LIMCH1: variants seen among roughly 807,000 people sequenced by gnomAD.
The protein encoded by LIMCH1 is LIM and calponin homology domains 1.
LIMCH1 carries 113 observed loss-of-function variants against 176.5 expected under a neutral mutation model. That is an observed-to-expected ratio of 0.64 (90% CI 0.55 to 0.75). The LOEUF is 0.75. Ranked by LOEUF, LIMCH1 falls within the 30% of genes least tolerant of loss-of-function variation. The pLI is 0.00. For missense variants in LIMCH1, 1,674 were observed against 1,814.9 expected (o/e 0.92, Z 1.41); for synonymous variants, 619 against 645.9 (o/e 0.96, Z 0.63).
In LIMCH1 at chr4:41,453,238, C is replaced by T. The variant is rs537415188; in HGVS notation, c.97-41298C>T. Reference sequence around the variant, plus strand: ...TTATGAGATACCGTATATATAGATACACACACACATATACAGTTGGCCCTT... The same window carrying T: ...TTATGAGATACCGTATATATAGATATACACACACATATACAGTTGGCCCTT... On this transcript the variant is annotated intron_variant, in intron 1 of 26. Coordinates refer to the LIMCH1 transcript ENST00000313860. Among the ~76,000 whole-genome samples the T allele has an allele frequency of 9.2e-5, 14 of 152,222 alleles. 1 individual carries two copies. In the South Asian group the frequency reaches 2.7e-3, roughly 29 times the overall value.
At chr4:41,510,426 A>G (rs2074740440) in intron 2 of LIMCH1, among the ~76,000 whole-genome samples, 1 of 152,138 alleles carries the variant, frequency 6.6e-6, no homozygotes, top group Admixed American at 6.5e-5. Flanking sequence ...TATTTCCTTA[A>G]TAATCCATTT....
At chr4:41,509,425 A>G (rs777969773) in intron 2 of LIMCH1, among the ~76,000 whole-genome samples, 28 of 152,132 alleles carry the variant, frequency 1.8e-4, no homozygotes, top group Non-Finnish European at 3.4e-4. Flanking sequence ...TCCTTTTTCC[A>G]TTACTGATTT....
intron 1 of LIMCH1, among the ~76,000 whole-genome samples, chr4:41,363,227 G>A (rs1274790442): frequency 6.6e-6 from 1 of 152,144 alleles, no homozygotes; most frequent in African/African-American, 2.4e-5. Flanking sequence ...TGTGAACAAA[G>A]ATTCCTCAGC....
At chr4:41,487,727 C>T (rs1364671071) in intron 1 of LIMCH1, among the ~76,000 whole-genome samples, 10 of 133,708 alleles carry the variant, frequency 7.5e-5, no homozygotes, top group Admixed American at 5.8e-4. Flanking sequence ...GGTGTGATCT[C>T]GGCTCACTGC....
intron 3 of LIMCH1, among the ~76,000 whole-genome samples, chr4:41,526,754 G>T (rs1433520663): frequency 6.6e-6 from 1 of 152,138 alleles, no homozygotes; most frequent in Non-Finnish European, 1.5e-5. Flanking sequence ...ATATTCAAAT[G>T]GGACTTGCAT....
At chr4:41,677,457 G>C (rs997080979) in intron 23 of LIMCH1, among the ~76,000 whole-genome samples, 1 of 152,082 alleles carries the variant, frequency 6.6e-6, no homozygotes. Flanking sequence ...CTACCTTTGG[G>C]TAAAAGCTAC....
At chr4:41,629,437 C>T in intron 8 of LIMCH1, 55 bp from the exon 9 acceptor site, 1 of 1,523,958 alleles carries the variant, frequency 6.6e-7, no homozygotes, top group South Asian at 1.2e-5. Flanking sequence ...TTGTCTGCTC[C>T]CCTTCCTTGA....
chr4:41,470,015 T>G (rs1225001708), intron 1 of LIMCH1, among the ~76,000 whole-genome samples: 4 of 152,164 alleles, frequency 2.6e-5, no homozygotes, highest in African/African-American at 9.7e-5. Context: ...GTCAGGCTCA[T>G]CTTTGAGCAT....
At chr4:41,437,755 CT>C (rs1306193831) in intron 1 of LIMCH1, among the ~76,000 whole-genome samples, 1 of 152,136 alleles carries the variant, frequency 6.6e-6, no homozygotes, top group Non-Finnish European at 1.5e-5. Context: ...AATTTTTTCC[CT>C]CTTCTTCTCC....
chr4:41,642,737 C>CTTTTTTTT (rs368906535), intron 14 of LIMCH1, among the ~76,000 whole-genome samples: 4 of 136,400 alleles, frequency 2.9e-5, no homozygotes, highest in African/African-American at 8.2e-5. Context: ...TTTCTTTTTT[C>CTTTTTTTT]TTTTTTTTTT....
chr4:41,648,054 C>T (rs2094137345), intron 17 of LIMCH1, among the ~76,000 whole-genome samples: 1 of 152,162 alleles, frequency 6.6e-6, no homozygotes. Flanking sequence ...GACTCACACA[C>T]ACACAGATAG....
At chr4:41,428,852 T>A (rs1441135149) in intron 1 of LIMCH1, among the ~76,000 whole-genome samples, 2 of 152,202 alleles carry the variant, frequency 1.3e-5, no homozygotes, top group Non-Finnish European at 2.9e-5. Flanking sequence ...CTGAGAGGCA[T>A]GGGGTTGAGT....
rs1269183693 is a variant in LIMCH1 at position 41,472,978 on chromosome 4, G to A, written c.97-21558G>A. 4.6e-6 allele frequency: 4 copies of A among 875,546 alleles called. No homozygotes were observed. The African/African-American group carries it at 5.5e-5, about 12-fold the overall frequency. The allele number at this position is 875,546 out of a possible 1,614,324, so 54.2% of individuals were successfully genotyped here. A position where few individuals can be genotyped will look rare whatever the true frequency, so the allele number is the denominator to read the frequency against. The stretch of plus-strand genomic sequence containing the variant: ...AACACTTTGGGAAATGCTGCTGTAA[G>A]CCTTTTTTTTTTTTTCTCCTCGGTA... On this transcript the variant is annotated intron_variant, in intron 1 of 26. Transcript: ENST00000313860.
chr4:41,633,943 C>G, intron 13 of LIMCH1, 135 bp downstream of exon 13: 1 of 990,298 alleles, frequency 1.0e-6, no homozygotes, highest in East Asian at 2.6e-5. Context: ...AAATTGGCCT[C>G]ATCTGCGAAG....
chr4:41,374,389 CTAA>C (rs2054418453), intron 1 of LIMCH1, among the ~76,000 whole-genome samples: 1 of 152,162 alleles, frequency 6.6e-6, no homozygotes, highest in South Asian at 2.1e-4. Flanking sequence ...ACCCCACATT[CTAA>C]TGCATGGGGA....
chr4:41,435,593 A>T (rs576460328), intron 1 of LIMCH1, among the ~76,000 whole-genome samples: 9 of 152,234 alleles, frequency 5.9e-5, no homozygotes, highest in Non-Finnish European at 1.2e-4. Context: ...TGAGTGCAGA[A>T]TAAAGCTAAT....
At chr4:41,432,139 T>C (rs1484824468) in intron 1 of LIMCH1, among the ~76,000 whole-genome samples, 2 of 152,198 alleles carry the variant, frequency 1.3e-5, no homozygotes, top group African/African-American at 2.4e-5. Flanking sequence ...TTGCTGTTTT[T>C]CCCCACTCAG....
intron 1 of LIMCH1, among the ~76,000 whole-genome samples, chr4:41,548,644 T>C (rs367732783): frequency 2.0e-5 from 3 of 152,352 alleles, no homozygotes; most frequent in African/African-American, 7.2e-5. Context: ...AATTAAATCC[T>C]GATGCCTTCC....
intron 1 of LIMCH1, among the ~76,000 whole-genome samples, chr4:41,368,884 A>G (rs1245432277): frequency 6.6e-6 from 1 of 152,042 alleles, no homozygotes; most frequent in Non-Finnish European, 1.5e-5. Context: ...TTGAGCCTAG[A>G]CTCTGGATTA....
Sources: allele counts gnomAD v4.1 joint callset (sites outside exome capture counted in the v4.1 genomes callset), GRCh38; gene constraint gnomAD v4.1.1; transcripts MANE v1.5; gene names NCBI Gene and HGNC (gene_info 2026-07-23, HGNC 2026-07-21).